The following CREBBP variants were observed in gnomAD, a reference collection of about 807,000 sequenced individuals.
CREBBP encodes CREB binding lysine acetyltransferase.
Under a neutral mutation model 265.0 loss-of-function variants are expected in CREBBP, and 19 were observed. The ratio of observed to expected loss-of-function variants is 0.07; its 90% CI spans 0.05 to 0.11. The LOEUF is 0.11. Among genes scored for constraint, CREBBP ranks in the 10% least tolerant of loss-of-function variants. CREBBP has a pLI of 1.00. For synonymous variants in CREBBP, 1,457 were observed against 1,223.7 expected (o/e 1.19, Z -3.98); for missense variants, 2,525 against 3,219.0 (o/e 0.78, Z 5.22).
intron 16 of CREBBP, among the ~76,000 whole-genome samples, chr16:3,766,104 G>C (rs2052845978): frequency 6.6e-6 from 1 of 151,886 alleles, no homozygotes; most frequent in South Asian, 2.1e-4. Flanking sequence ...AAAATCTGCA[G>C]AACTTAAGTG....
At chr16:3,776,545 G>A (rs2053142237) in intron 11 of CREBBP, among the ~76,000 whole-genome samples, 1 of 152,168 alleles carries the variant, frequency 6.6e-6, no homozygotes, top group Admixed American at 6.5e-5. Context: ...CTAGGGCCAA[G>A]AGCAGCCCGT....
At chr16:3,862,770 G>A (rs920941458) in intron 1 of CREBBP, among the ~76,000 whole-genome samples, 2 of 152,112 alleles carry the variant, frequency 1.3e-5, no homozygotes, top group Non-Finnish European at 2.9e-5. Context: ...GCTCCCCACG[G>A]CAGAGCAGCC....
chr16:3,850,945 T>C lies in CREBBP; in HGVS notation c.150A>G (p.Glu50=), dbSNP rs777570372. The C allele has an allele frequency of 1.2e-6, 2 of 1,614,194 alleles. No homozygotes were observed. The highest frequency in any genetic ancestry group is 4.5e-5 in the East Asian group (2 of 44,888). Residue 50 remains glutamate (E), a synonymous_variant, in exon 2 of 31, where the codon GAA becomes GAG. Coordinates refer to ENST00000262367, the MANE Select transcript of CREBBP (RefSeq NM_004380.3). ...LPDELIPNGG[E]LGLLNSGNLV... ...GGTTCCCACTGTTTAAAAGGCCTAA[T>C]TCTCCTCCATTGGGTATCAGCTCAT...
intron 3 of CREBBP, among the ~76,000 whole-genome samples, chr16:3,795,157 A>G (rs1282106388): frequency 6.6e-6 from 1 of 152,158 alleles, no homozygotes; most frequent in Middle Eastern, 3.2e-3. Flanking sequence ...TCTGAGAAGG[A>G]CCCAAAGCAA....
intron 1 of CREBBP, among the ~76,000 whole-genome samples, chr16:3,870,565 C>T (rs1014291628): frequency 1.6e-4 from 25 of 152,098 alleles, no homozygotes; most frequent in African/African-American, 5.8e-4. Flanking sequence ...TAAAATGAGT[C>T]AAACGATTAC....
At chr16:3,803,643 G>A (rs2053770673) in intron 3 of CREBBP, among the ~76,000 whole-genome samples, 2 of 152,124 alleles carry the variant, frequency 1.3e-5, no homozygotes, top group African/African-American at 4.8e-5. Context: ...TGAGCCCAAG[G>A]CCAAGGCTCA....
At chr16:3,818,884 G>T (rs143508466) in intron 2 of CREBBP, among the ~76,000 whole-genome samples, 1 of 152,140 alleles carries the variant, frequency 6.6e-6, no homozygotes, top group African/African-American at 2.4e-5. Context: ...TGAGGAAGGG[G>T]CCCCCCGGAA....
At chr16:3,739,545 A>G in intron 25 of CREBBP, 33 bp downstream of exon 25, 1 of 1,613,960 alleles carries the variant, frequency 6.2e-7, no homozygotes, top group Non-Finnish European at 8.5e-7. Context: ...CGGCTCACTG[A>G]ATGACACGCC....
intron 1 of CREBBP, among the ~76,000 whole-genome samples, chr16:3,871,001 T>C (rs1189490489): frequency 9.7e-6 from 1 of 103,146 alleles, no homozygotes; most frequent in Non-Finnish European, 1.9e-5. Flanking sequence ...AGAAAAGTAA[T>C]GTAAAGAAGG....
chr16:3,803,260 CGGGGAGGGGGGGGGGGGGGGT>C lies in CREBBP; in HGVS notation c.975+7322_975+7342del, dbSNP rs2053757618. On this transcript the variant is annotated intron_variant, in intron 3 of 30. Transcript: ENST00000262367. ...TCCCAGCACTTTGGGAGGCTGACGG[CGGGGAGGGGGGGGGGGGGGGT>C]GGATCACGAGGTCAGGAGTTCAAGA... Among the ~76,000 whole-genome samples the C allele has an allele frequency of 2.4e-4, 2 of 8,464 alleles. 1 individual carries two copies. The highest frequency in any genetic ancestry group is 2.5e-3 in the Admixed American group (2 of 798). The allele number at this position is 8,464 out of a possible 152,430, so 5.6% of individuals were successfully genotyped here.
At chr16:3,736,000 A>G (rs780155508) in intron 28 of CREBBP, 36 bp downstream of exon 28, 3 of 1,614,082 alleles carry the variant, frequency 1.9e-6, no homozygotes, top group Admixed American at 3.3e-5. Context: ...CTCCAGCGGG[A>G]CACGTGGGCA....
intron 12 of CREBBP, 60 bp downstream of exon 12, chr16:3,774,509 T>A: frequency 6.2e-7 from 1 of 1,609,318 alleles, no homozygotes; most frequent in Non-Finnish European, 8.5e-7. Flanking sequence ...TTCTGCTGCT[T>A]AGATAATGTT....
chr16:3,725,077 T>C lies in CREBBP; in HGVS notation c.*2641A>G. 1 of 232,016 alleles carries C rather than the reference T, an allele frequency of 4.3e-6. No homozygotes were observed. Among genetic ancestry groups the C allele is most frequent in the Admixed American group, 5.6e-5 (1 of 17,752 alleles). The allele number at this position is 232,016 out of a possible 1,614,324, so 14.4% of individuals were successfully genotyped here. ...TCTTTGAATCCAAGTAGTTTTACCATCTTTTATTATAAACACCATCACATT... is the reference window on the plus strand; with the variant it reads ...TCTTTGAATCCAAGTAGTTTTACCACCTTTTATTATAAACACCATCACATT... On this transcript the variant is annotated 3_prime_UTR_variant, in exon 31 of 31. Coordinates refer to ENST00000262367, the MANE Select transcript of CREBBP (RefSeq NM_004380.3).
chr16:3,758,513 G>A (rs1039584649), intron 17 of CREBBP, among the ~76,000 whole-genome samples: 3 of 152,164 alleles, frequency 2.0e-5, no homozygotes, highest in Non-Finnish European at 2.9e-5. Context: ...GGCTATCCAG[G>A]AATATAAAAG....
At position 3,812,538 on chromosome 16, in the gene CREBBP, C is replaced by T. The variant is rs921350253; in HGVS notation, c.799-1759G>A. On this transcript the variant is annotated intron_variant, in intron 2 of 30. Transcript: ENST00000262367. ...AAAGTGCACTGAAATCAAATATATA[C>T]TAGATAAAGGCAGGAATGGGAAAGA... Among the ~76,000 whole-genome samples the T allele has an allele frequency of 5.9e-5, 9 of 151,342 alleles. 1 individual carries two copies. Among genetic ancestry groups the T allele is most frequent in the Middle Eastern group, 3.4e-3 (1 of 294 alleles).
Position 3,727,557 on chromosome 16 carries a change from C to A in CREBBP, c.*161G>T, listed in dbSNP as rs893170111. The A allele has an allele frequency of 2.8e-5, 26 of 940,952 alleles. No individual in the cohort carries two copies. The highest frequency in any genetic ancestry group is 3.3e-5 in the Non-Finnish European group (25 of 748,264). 58.3% of individuals were successfully genotyped at this position (940,952 alleles called of 1,614,324 possible). A position where few individuals can be genotyped will look rare whatever the true frequency, so the allele number is the denominator to read the frequency against. On this transcript the variant is annotated 3_prime_UTR_variant, in exon 31 of 31. Transcript: ENST00000262367. The stretch of plus-strand genomic sequence containing the variant: ...GATATTTAAATCAACTGGTTTTTAA[C>A]AAAAAAATATATTCTTTGTATTGTT...
chr16:3,824,748 G>A (rs1050883251), intron 2 of CREBBP, among the ~76,000 whole-genome samples: 4 of 152,134 alleles, frequency 2.6e-5, no homozygotes. Flanking sequence ...CAAGCAGGCC[G>A]GTGCTTCCCG....
intron 2 of CREBBP, among the ~76,000 whole-genome samples, chr16:3,847,425 G>C (rs536223260): frequency 6.6e-6 from 1 of 152,246 alleles, no homozygotes; most frequent in South Asian, 2.1e-4. Context: ...GTTTAAAATG[G>C]ACTTGTCTCT....
At chr16:3,736,276 C>A (rs2052056739) in intron 27 of CREBBP, 73 bp from the exon 28 acceptor site, 1 of 1,487,832 alleles carries the variant, frequency 6.7e-7, no homozygotes, top group Admixed American at 1.7e-5. Flanking sequence ...GACAGACCCC[C>A]ACGCAAGCGT....
Sources: allele counts gnomAD v4.1 joint callset (sites outside exome capture counted in the v4.1 genomes callset), GRCh38; gene constraint gnomAD v4.1.1; transcripts MANE v1.5; gene names NCBI Gene and HGNC (gene_info 2026-07-23, HGNC 2026-07-21).